The following CCDC141 variants were observed in gnomAD, a reference collection of about 807,000 sequenced individuals.
CCDC141 encodes the protein coiled-coil domain containing 141.
CCDC141 carries 168 observed loss-of-function variants against 181.0 expected under a neutral mutation model. The observed-to-expected ratio is 0.93, with a 90% CI of 0.82 to 1.05. CCDC141 has a LOEUF of 1.05. Among genes scored for constraint, CCDC141 ranks in the 50% least tolerant of loss-of-function variants. The probability of loss-of-function intolerance (pLI) is 0.00; values close to 1 mark genes in which losing one functional copy is unlikely to be tolerated. For missense variants in CCDC141, 1,902 were observed against 1,788.5 expected, an observed-to-expected ratio of 1.06 and a Z score of -1.14; for synonymous variants, 666 against 642.3, an observed-to-expected ratio of 1.04 and a Z score of -0.56.
At chr2:179,035,052 C>T (rs2043104137) in intron 2 of CCDC141, among the ~76,000 whole-genome samples, 2 of 152,252 alleles carry the variant, frequency 1.3e-5, no homozygotes, top group Non-Finnish European at 2.9e-5. Context: ...CCTGGAAGAA[C>T]TAAATACCCT....
intron 17 of CCDC141, among the ~76,000 whole-genome samples, chr2:178,860,059 G>A (rs1300403377): frequency 6.6e-6 from 1 of 152,144 alleles, no homozygotes; most frequent in Admixed American, 6.5e-5. Context: ...CACATGTTTG[G>A]CCAGAAGCAA....
intron 4 of CCDC141, among the ~76,000 whole-genome samples, chr2:178,963,356 A>G (rs1228154117): frequency 1.3e-5 from 2 of 152,232 alleles, no homozygotes; most frequent in African/African-American, 4.8e-5. Context: ...ATTTGTTATT[A>G]GAAGAAAAGA....
At position 178,938,311 on chromosome 2, in the gene CCDC141, T is replaced by C. The variant is rs78031943; in HGVS notation, c.897+6224A>G. On this transcript the variant is annotated intron_variant, in intron 6 of 23. Transcript: ENST00000443758. ...ATGTTGTATCTTTGTTCTCATTAGT[T>C]CCAAAGAACTTTTTGATTTTTGCTT... Among the ~76,000 whole-genome samples the C allele has an allele frequency of 1.0e-2, 1,518 of 152,254 alleles. 26 individuals carry two copies. Among genetic ancestry groups the C allele is most frequent in the African/African-American group, 0.035 (1,464 of 41,550 alleles).
At chr2:178,844,274 AG>A (rs890086420) in intron 22 of CCDC141, among the ~76,000 whole-genome samples, 6 of 152,138 alleles carry the variant, frequency 3.9e-5, no homozygotes, top group African/African-American at 1.4e-4. Context: ...GGTGCATTTA[AG>A]GCTATTCTTT....
At chr2:178,958,288 C>A (rs189125578) in intron 5 of CCDC141, among the ~76,000 whole-genome samples, 8 of 152,056 alleles carry the variant, frequency 5.3e-5, no homozygotes, top group Admixed American at 3.9e-4. Context: ...CAAGAGTGAA[C>A]CTTCATGTAA....
chr2:178,870,529 G>A (rs1686071101), intron 14 of CCDC141, among the ~76,000 whole-genome samples: 1 of 152,150 alleles, frequency 6.6e-6, no homozygotes, highest in Non-Finnish European at 1.5e-5. Context: ...AACGCAGGGT[G>A]TATTAAAGAG....
At chr2:178,990,502 G>C (rs573883565) in intron 2 of CCDC141, among the ~76,000 whole-genome samples, 1 of 145,348 alleles carries the variant, frequency 6.9e-6, no homozygotes, top group East Asian at 2.1e-4. Context: ...TTGATACATA[G>C]TACAAAAGAG....
intron 2 of CCDC141, among the ~76,000 whole-genome samples, chr2:179,012,245 G>A (rs758420939): frequency 6.6e-6 from 1 of 152,060 alleles, no homozygotes; most frequent in East Asian, 1.9e-4. Context: ...ACCAAGAAAA[G>A]AAGAGAGAAA....
the CCDC141 span, chr2:178,817,614 A>G: frequency 2.1e-6 from 1 of 469,852 alleles, no homozygotes; most frequent in South Asian, 1.6e-5. Context: ...GTGTGGAAGC[A>G]GATCTCATCC....
chr2:178,983,229 C>T (rs112343179), intron 2 of CCDC141, among the ~76,000 whole-genome samples: 7,096 of 152,184 alleles, frequency 0.047, 210 homozygotes, highest in South Asian at 0.076. Context: ...CTGCAGGGTA[C>T]TCCAACAGAC....
In CCDC141 at chr2:178,968,232, C is replaced by A. The variant is rs537825727; in HGVS notation, c.527-6749G>T. On this transcript the variant is annotated intron_variant, in intron 4 of 23. Transcript: ENST00000443758. ...GACTTGAACTCAGCTCTGGAACAAGCAGACCTAATAGACATCTACAGAACT... is the reference window on the plus strand; with the variant it reads ...GACTTGAACTCAGCTCTGGAACAAGAAGACCTAATAGACATCTACAGAACT... Among the ~76,000 whole-genome samples, 7 of 152,294 alleles carry A rather than the reference C, an allele frequency of 4.6e-5. No homozygotes were observed. In the South Asian group the frequency reaches 1.5e-3, roughly 32 times the overall value.
chr2:178,984,270 G>A (rs1013078090), intron 2 of CCDC141, among the ~76,000 whole-genome samples: 1 of 149,390 alleles, frequency 6.7e-6, no homozygotes, highest in Non-Finnish European at 1.5e-5. Flanking sequence ...AATGCTGAGA[G>A]ATTTTGTCAC....
intron 5 of CCDC141, among the ~76,000 whole-genome samples, chr2:178,958,741 T>C (rs1469430660): frequency 1.3e-5 from 2 of 152,128 alleles, no homozygotes; most frequent in African/African-American, 2.4e-5. Flanking sequence ...CTACAGAGGA[T>C]TCAAGTGGAT....
chr2:179,018,927 A>G (rs2042620663), intron 2 of CCDC141, among the ~76,000 whole-genome samples: 1 of 152,216 alleles, frequency 6.6e-6, no homozygotes, highest in Non-Finnish European at 1.5e-5. Context: ...AGTCAATGAA[A>G]TATGTTTCAG....
Position 178,872,302 on chromosome 2 carries a change from T to C in CCDC141, c.1910A>G (p.Asn637Ser), listed in dbSNP as rs1383481425. The change falls in exon 13 of 24, where the codon AAC becomes AGC. Residue 637 changes from asparagine to serine, a missense_variant. Asn to Ser is a conservative substitution (Grantham distance 46). Transcript: ENST00000443758. ...TTCATTTTTCACATCTAATATCTCG[T>C]TCTCTTTTGCCTGTTAAATTAATAA... Reference protein sequence around the residue: ...FLNLINMAKENEILDVKNEVY... With the variant: ...FLNLINMAKESEILDVKNEVY... The C allele has an allele frequency of 1.2e-6, 2 of 1,610,934 alleles. No individual in the cohort carries two copies. Among genetic ancestry groups the C allele is most frequent in the Admixed American group, 1.7e-5 (1 of 59,464 alleles).
Position 178,845,869 on chromosome 2 carries a change from G to A in CCDC141, c.3358-127C>T, listed in dbSNP as rs889083077. The A allele has an allele frequency of 8.7e-6, 6 of 693,054 alleles. No homozygotes were observed. In the African/African-American group the frequency reaches 9.1e-5, roughly 10 times the overall value. 42.9% of individuals were successfully genotyped at this position (693,054 alleles called of 1,614,324 possible). On this transcript the variant is annotated intron_variant, in intron 21 of 23. Transcript: ENST00000443758. ...CAGCAAATATATTCCACAAGAGACT[G>A]GTGTACTCCCATGATGTGATTTATA...
intron 8 of CCDC141, among the ~76,000 whole-genome samples, chr2:178,892,538 G>T (rs1270950238): frequency 1.3e-5 from 2 of 151,994 alleles, no homozygotes; most frequent in South Asian, 2.1e-4. Context: ...CTAATCTGCG[G>T]GTTACATTCA....
intron 2 of CCDC141, among the ~76,000 whole-genome samples, chr2:178,979,766 T>C (rs1575295406): frequency 1.3e-5 from 2 of 152,300 alleles, no homozygotes; most frequent in East Asian, 3.9e-4. Context: ...GTAAAGACAC[T>C]CATGAACCTT....
chr2:178,964,659 A>C (rs868548567), intron 4 of CCDC141, among the ~76,000 whole-genome samples: 1 of 152,166 alleles, frequency 6.6e-6, no homozygotes, highest in Non-Finnish European at 1.5e-5. Context: ...TTCCTCTGCC[A>C]GTTCCCTTGG....
Sources: allele counts gnomAD v4.1 joint callset (sites outside exome capture counted in the v4.1 genomes callset), GRCh38; gene constraint gnomAD v4.1.1; transcripts MANE v1.5; gene names NCBI Gene and HGNC (gene_info 2026-07-23, HGNC 2026-07-21).